Variants in PRPF18 observed in about 807,000 individuals in gnomAD.
PRPF18 encodes pre-mRNA processing factor 18.
A neutral mutation model predicts 46.5 loss-of-function variants in PRPF18; 38 were observed. The ratio of observed to expected loss-of-function variants is 0.82; its 90% CI spans 0.63 to 1.07. The LOEUF is 1.07. Ranked by LOEUF, PRPF18 falls within the 50% of genes least tolerant of loss-of-function variation. The probability of loss-of-function intolerance (pLI) is 0.00; values close to 1 mark genes in which losing one functional copy is unlikely to be tolerated. For synonymous variants in PRPF18, 152 were observed against 146.7 expected, an observed-to-expected ratio of 1.04 and a Z score of -0.26; for missense variants, 263 against 410.0, an observed-to-expected ratio of 0.64 and a Z score of 3.10.
the PRPF18 span, chr10:13,654,607 C>T: frequency 2.7e-6 from 2 of 727,614 alleles, no homozygotes; most frequent in Non-Finnish European, 2.4e-6. Flanking sequence ...AACCCAGTGG[C>T]CAGAGGTCAC....
chr10:13,591,445 T>C, intron 1 of PRPF18: 1 of 557,298 alleles, frequency 1.8e-6, no homozygotes, highest in Non-Finnish European at 3.2e-6. Flanking sequence ...AATTAGGTTC[T>C]TCTTAAGAAA....
chr10:13,642,952 T>G, the PRPF18 span: 1 of 152,214 alleles, frequency 6.6e-6, no homozygotes, highest in African/African-American at 2.4e-5. Context: ...CAGGAGTTTT[T>G]CATGCAGGGA....
intron 9 of PRPF18, among the ~76,000 whole-genome samples, chr10:13,623,648 GAT>G (rs1418273035): frequency 6.6e-5 from 10 of 152,032 alleles, no homozygotes; most frequent in Middle Eastern, 3.4e-3. Context: ...AAGTTCTAAT[GAT>G]ATATTAAAGA....
intron 9 of PRPF18, among the ~76,000 whole-genome samples, chr10:13,628,006 A>G (rs188272682): frequency 2.4e-4 from 36 of 152,222 alleles, no homozygotes; most frequent in African/African-American, 8.7e-4. Flanking sequence ...GCTATCATCT[A>G]TATTTCCATG....
chr10:13,592,005 A>C, intron 1 of PRPF18: 1 of 772,992 alleles, frequency 1.3e-6, no homozygotes, highest in South Asian at 1.4e-5. Flanking sequence ...CATTTTATGA[A>C]GTTTAACCAC....
At chr10:13,615,925 C>A (rs552270892) in intron 8 of PRPF18, among the ~76,000 whole-genome samples, 2 of 152,298 alleles carry the variant, frequency 1.3e-5, no homozygotes, top group South Asian at 4.1e-4. Context: ...TGAGCCCCCA[C>A]TTCCTTCAGA....
At position 13,611,705 on chromosome 10, in the gene PRPF18, A is replaced by T. The variant is rs765045013; in HGVS notation, c.579+22A>T. 4.9e-5 allele frequency: 79 copies of T among 1,601,680 alleles called. No homozygotes were observed. The South Asian group carries it at 7.4e-4, about 15-fold the overall frequency. ...GAAGGTGCGTGTCTTAGGCGAGGGG[A>T]TGAGGATGCCTTGGATCCTTATGAA... On this transcript the variant is annotated intron_variant, in intron 6 of 9. Coordinates refer to ENST00000378572, the MANE Select transcript of PRPF18 (RefSeq NM_003675.4).
the PRPF18 span, chr10:13,654,594 A>AG: frequency 2.3e-6 from 2 of 852,844 alleles, no homozygotes; most frequent in Non-Finnish European, 3.9e-6. Flanking sequence ...GTTGGCTGAC[A>AG]CCAACCCAGT....
chr10:13,650,252 G>A, the PRPF18 span, among the ~76,000 whole-genome samples: 1 of 152,256 alleles, frequency 6.6e-6, no homozygotes, highest in East Asian at 1.9e-4. Context: ...GAACCAACTG[G>A]TGGCACATAC....
intron 3 of PRPF18, among the ~76,000 whole-genome samples, chr10:13,605,304 C>T (rs1248814467): frequency 6.6e-6 from 1 of 152,120 alleles, no homozygotes; most frequent in Non-Finnish European, 1.5e-5. Context: ...AGTTTAATAG[C>T]TGGGCACATT....
At chr10:13,601,675 T>C (rs1034728840) in intron 3 of PRPF18, among the ~76,000 whole-genome samples, 2 of 152,148 alleles carry the variant, frequency 1.3e-5, no homozygotes, top group African/African-American at 4.8e-5. Flanking sequence ...TGTATGAACA[T>C]TTTTTACAGT....
At chr10:13,618,697 AC>A (rs1252984351) in intron 9 of PRPF18, among the ~76,000 whole-genome samples, 4 of 151,512 alleles carry the variant, frequency 2.6e-5, no homozygotes, top group Non-Finnish European at 5.9e-5. Flanking sequence ...TGATATGGCC[AC>A]CTAATAACTT....
chr10:13,629,202 G>A (rs537438851), intron 9 of PRPF18, among the ~76,000 whole-genome samples: 2 of 152,290 alleles, frequency 1.3e-5, no homozygotes, highest in South Asian at 4.1e-4. Flanking sequence ...TGGGAATTAG[G>A]TGTGTGTATT....
At chr10:13,649,994 A>C in the PRPF18 span, among the ~76,000 whole-genome samples, 1 of 152,188 alleles carries the variant, frequency 6.6e-6, no homozygotes, top group Non-Finnish European at 1.5e-5. Flanking sequence ...GGTCACAGCA[A>C]GTGGTGACTT....
chr10:13,612,852 A>G (rs2080291062), intron 6 of PRPF18, among the ~76,000 whole-genome samples: 1 of 151,848 alleles, frequency 6.6e-6, no homozygotes, highest in African/African-American at 2.4e-5. Flanking sequence ...ATTTTTGCTG[A>G]CTTGCTGATT....
the PRPF18 span, among the ~76,000 whole-genome samples, chr10:13,636,644 GT>G: frequency 6.6e-6 from 1 of 152,122 alleles, no homozygotes; most frequent in Non-Finnish European, 1.5e-5. Flanking sequence ...ATCATGATAG[GT>G]TTTTCACAAA....
chr10:13,606,573 A>G (rs1467681952), intron 4 of PRPF18, among the ~76,000 whole-genome samples: 2 of 152,022 alleles, frequency 1.3e-5, no homozygotes, highest in African/African-American at 2.4e-5. Context: ...CGTCTCTACT[A>G]AAAATACAAA....
In PRPF18 at chr10:13,613,728, A is replaced by G. The variant is rs1358625911; in HGVS notation, c.580-13A>G. On this transcript the variant is annotated splice_polypyrimidine_tract_variant and intron_variant, in intron 6 of 9. Transcript: ENST00000378572. ...GTGGCATTGTAGTCTAAGTTTACCCATCCTTTCAACAGTTTCTTCTTGGCG... is the reference window on the plus strand; with the variant it reads ...GTGGCATTGTAGTCTAAGTTTACCCGTCCTTTCAACAGTTTCTTCTTGGCG... 1.2e-6 allele frequency: 2 copies of G among 1,609,200 alleles called. No homozygotes were observed. Among genetic ancestry groups the G allele is most frequent in the East Asian group, 4.5e-5 (2 of 44,856 alleles).
downstream of PRPF18, among the ~76,000 whole-genome samples, chr10:13,634,203 C>T (rs113709015): frequency 2.6e-5 from 4 of 152,256 alleles, 1 homozygote; most frequent in African/African-American, 9.6e-5. Flanking sequence ...ATTTTTCCCC[C>T]ATTGTAAACT....
Sources: allele counts gnomAD v4.1 joint callset (sites outside exome capture counted in the v4.1 genomes callset), GRCh38; gene constraint gnomAD v4.1.1; transcripts MANE v1.5; gene names NCBI Gene and HGNC (gene_info 2026-07-23, HGNC 2026-07-21).